The following FNDC3B variants were observed in gnomAD, a reference collection of about 807,000 sequenced individuals.
The protein encoded by FNDC3B is fibronectin type III domain containing 3B, also known as fibronectin type III domain-containing protein 3B.
In FNDC3B, 12 loss-of-function variants were observed where a neutral mutation model predicts 151.5. The ratio of observed to expected loss-of-function variants is 0.08; its 90% CI spans 0.05 to 0.13. The LOEUF (loss-of-function observed/expected upper bound fraction) is 0.13, where lower values mean the gene tolerates loss of function less well. FNDC3B is among the 10% of genes least tolerant of loss of function. The probability of loss-of-function intolerance (pLI) is 1.00; values close to 1 mark genes in which losing one functional copy is unlikely to be tolerated. For missense variants in FNDC3B, 1,214 were observed against 1,505.3 expected (o/e 0.81, Z 3.20); for synonymous variants, 528 against 549.0 (o/e 0.96, Z 0.54).
chr3:172,327,733 A>G (rs1252505785), intron 11 of FNDC3B, among the ~76,000 whole-genome samples: 1 of 152,238 alleles, frequency 6.6e-6, no homozygotes, highest in African/African-American at 2.4e-5. Flanking sequence ...TGCTCACCGT[A>G]GCAACAGTCA....
At chr3:172,293,786 G>A (rs766408004) in intron 7 of FNDC3B, among the ~76,000 whole-genome samples, 45 of 152,168 alleles carry the variant, frequency 3.0e-4, no homozygotes, top group Non-Finnish European at 6.2e-4. Context: ...CACTAAAAAT[G>A]TAGTGAAGGA....
At chr3:172,346,885 G>T (rs1206447975) in intron 20 of FNDC3B, among the ~76,000 whole-genome samples, 1 of 151,948 alleles carries the variant, frequency 6.6e-6, no homozygotes, top group African/African-American at 2.4e-5. Context: ...TGTACTTTTA[G>T]TAGAGATAGG....
At position 172,333,534 on chromosome 3, in the gene FNDC3B, G is replaced by A. The variant is rs557887568; in HGVS notation, c.1641+359G>A. Among the ~76,000 whole-genome samples the A allele has an allele frequency of 9.8e-4, 130 of 132,508 alleles. 1 individual carries two copies. The highest frequency in any genetic ancestry group is 3.6e-3 in the African/African-American group (124 of 34,268). 86.9% of individuals were successfully genotyped at this position (132,508 alleles called of 152,430 possible). A position where few individuals can be genotyped will look rare whatever the true frequency, so the allele number is the denominator to read the frequency against. Reference sequence around the variant, plus strand: ...TTTTTTTTGTATTTTTAGTTGAGACGGGGGTTTCACCATGTTGGCCAGGCT... The same window carrying A: ...TTTTTTTTGTATTTTTAGTTGAGACAGGGGTTTCACCATGTTGGCCAGGCT... On this transcript the variant is annotated intron_variant, in intron 14 of 25. Transcript: ENST00000415807.
At chr3:172,265,704 G>C (rs1026762953) in intron 6 of FNDC3B, among the ~76,000 whole-genome samples, 1 of 152,168 alleles carries the variant, frequency 6.6e-6, no homozygotes, top group Non-Finnish European at 1.5e-5. Context: ...TTTGAGAACT[G>C]AATGTTTTGT....
At chr3:172,178,087 G>A (rs989069985) in intron 3 of FNDC3B, among the ~76,000 whole-genome samples, 1 of 152,104 alleles carries the variant, frequency 6.6e-6, no homozygotes, top group Non-Finnish European at 1.5e-5. Flanking sequence ...ATTTAGAAAG[G>A]AACTTTCTTA....
intron 3 of FNDC3B, among the ~76,000 whole-genome samples, chr3:172,161,991 G>T (rs866629621): frequency 1.4e-4 from 21 of 146,810 alleles, no homozygotes; most frequent in South Asian, 8.5e-4. Flanking sequence ...TTTTTTTTTG[G>T]GGGGGGACAG....
intron 3 of FNDC3B, among the ~76,000 whole-genome samples, chr3:172,175,339 C>CT (rs369130031): frequency 2.0e-5 from 3 of 152,022 alleles, no homozygotes; most frequent in East Asian, 3.9e-4. Context: ...CTTTTAAGTG[C>CT]TTTTTTTCCT....
At chr3:172,378,147 A>T in intron 23 of FNDC3B, 123 bp from the exon 24 acceptor site, 1 of 703,178 alleles carries the variant, frequency 1.4e-6, no homozygotes, top group Non-Finnish European at 2.3e-6. Flanking sequence ...CTGATTATTA[A>T]TTCAGAATGT....
chr3:172,309,950 A>G (rs1180094219), intron 10 of FNDC3B, among the ~76,000 whole-genome samples: 2 of 152,176 alleles, frequency 1.3e-5, no homozygotes, highest in Non-Finnish European at 2.9e-5. Flanking sequence ...TGCCAGGGGT[A>G]AGGCACTGTG....
intron 25 of FNDC3B, among the ~76,000 whole-genome samples, chr3:172,383,027 G>A (rs905591711): frequency 6.6e-6 from 1 of 152,152 alleles, no homozygotes. Flanking sequence ...TAACTTGATG[G>A]GAATAGCATT....
At chr3:172,378,134 TG>T in intron 23 of FNDC3B, 135 bp from the exon 24 acceptor site, 1 of 625,398 alleles carries the variant, frequency 1.6e-6, no homozygotes, top group Admixed American at 3.5e-5. Flanking sequence ...ATGTAGCAAC[TG>T]GCTGATTATT....
At chr3:172,088,746 A>G (rs1184254260) in intron 1 of FNDC3B, among the ~76,000 whole-genome samples, 1 of 152,230 alleles carries the variant, frequency 6.6e-6, no homozygotes, top group East Asian at 1.9e-4. Context: ...GTGAAATCTA[A>G]AAAAGAAATG....
chr3:172,285,644 C>T (rs1241876526), intron 6 of FNDC3B, among the ~76,000 whole-genome samples: 1 of 152,172 alleles, frequency 6.6e-6, no homozygotes, highest in African/African-American at 2.4e-5. Flanking sequence ...TCTCTGTTGC[C>T]TGTTAAATTA....
At chr3:172,349,192 G>A (rs1205086933) in intron 21 of FNDC3B, among the ~76,000 whole-genome samples, 1 of 152,150 alleles carries the variant, frequency 6.6e-6, no homozygotes, top group African/African-American at 2.4e-5. Flanking sequence ...CCTGAGGCAG[G>A]AGGATCACTT....
chr3:172,214,280 C>G (rs9884074), intron 3 of FNDC3B, among the ~76,000 whole-genome samples: 247 of 152,302 alleles, frequency 1.6e-3, no homozygotes, highest in African/African-American at 5.8e-3. Flanking sequence ...CTCTCATTTA[C>G]TTTCCGGACC....
At chr3:172,125,453 G>A (rs1720766782) in intron 2 of FNDC3B, among the ~76,000 whole-genome samples, 2 of 152,134 alleles carry the variant, frequency 1.3e-5, no homozygotes, top group Admixed American at 1.3e-4. Context: ...CCAGAGAAGG[G>A]TAGTAGACGG....
At chr3:172,364,610 T>C (rs980444644) in intron 23 of FNDC3B, among the ~76,000 whole-genome samples, 2 of 152,166 alleles carry the variant, frequency 1.3e-5, no homozygotes, top group African/African-American at 4.8e-5. Flanking sequence ...AAATGTGTAG[T>C]CTGATCCAAG....
intron 1 of FNDC3B, among the ~76,000 whole-genome samples, chr3:172,107,512 C>T (rs541589571): frequency 2.0e-5 from 3 of 152,154 alleles, no homozygotes; most frequent in African/African-American, 7.2e-5. Context: ...GACCAAAATG[C>T]CTGAGTCCTG....
At chr3:172,094,536 G>A (rs1027515171) in intron 1 of FNDC3B, among the ~76,000 whole-genome samples, 5 of 152,056 alleles carry the variant, frequency 3.3e-5, no homozygotes, top group East Asian at 3.8e-4. Context: ...TAAGCTATGC[G>A]TCCATAAAAT....
Sources: gnomAD v4.1 joint callset for allele counts (sites outside exome capture counted in the v4.1 genomes callset) on GRCh38, gnomAD v4.1.1 for gene constraint, MANE v1.5 for transcripts, NCBI Gene and HGNC (gene_info 2026-07-23, HGNC 2026-07-21) for gene names.